The following ADGRL3 variants were observed in gnomAD, a reference collection of about 807,000 sequenced individuals.
ADGRL3 encodes the protein calcium-independent alpha-latrotoxin receptor 3.
Under a neutral mutation model 153.5 loss-of-function variants are expected in ADGRL3, and 62 were observed. The observed-to-expected ratio is 0.40, with a 90% CI of 0.33 to 0.50. ADGRL3 has a LOEUF of 0.50. Ranked by LOEUF, ADGRL3 falls within the 20% of genes least tolerant of loss-of-function variation. ADGRL3 has a pLI of 0.47. For synonymous variants in ADGRL3, 710 were observed against 672.5 expected, an observed-to-expected ratio of 1.06 and a Z score of -0.86; for missense variants, 1,641 against 1,859.4, an observed-to-expected ratio of 0.88 and a Z score of 2.16.
intron 1 of ADGRL3, among the ~76,000 whole-genome samples, chr4:61,267,491 C>T (rs116742024): frequency 7.7e-4 from 117 of 151,824 alleles, no homozygotes; most frequent in South Asian, 1.5e-3. Flanking sequence ...TTCATTTGCA[C>T]CTACAGTGTC....
chr4:61,989,337 A>G (rs2099096210), intron 19 of ADGRL3, among the ~76,000 whole-genome samples: 1 of 152,112 alleles, frequency 6.6e-6, no homozygotes, highest in Admixed American at 6.5e-5. Flanking sequence ...ATGTTCTTAT[A>G]ACACTTCATT....
intron 1 of ADGRL3, among the ~76,000 whole-genome samples, chr4:61,292,486 A>G (rs2094256580): frequency 2.0e-5 from 3 of 152,072 alleles, no homozygotes; most frequent in Admixed American, 1.3e-4. Flanking sequence ...CATGCATGTT[A>G]TTATCTTTTG....
intron 6 of ADGRL3, among the ~76,000 whole-genome samples, chr4:61,719,877 A>T (rs2096204284): frequency 6.6e-6 from 1 of 152,020 alleles, no homozygotes; most frequent in Non-Finnish European, 1.5e-5. Flanking sequence ...TGCTAAGATT[A>T]CAGGCCTGAG....
chr4:61,763,741 A>AT (rs1295779045), intron 8 of ADGRL3, among the ~76,000 whole-genome samples: 1 of 152,178 alleles, frequency 6.6e-6, no homozygotes, highest in Non-Finnish European at 1.5e-5. Context: ...ACACACATAA[A>AT]CACTATATAC....
At chr4:61,495,969 CAT>C (rs2098311261) in intron 2 of ADGRL3, among the ~76,000 whole-genome samples, 1 of 152,232 alleles carries the variant, frequency 6.6e-6, no homozygotes, top group South Asian at 2.1e-4. Context: ...ATAAATGAAA[CAT>C]AAATGAAAAT....
chr4:61,924,329 A>G lies in ADGRL3; in HGVS notation c.2113-10511A>G, dbSNP rs188022038. Among the ~76,000 whole-genome samples, 22 of 152,186 alleles carry G rather than the reference A, an allele frequency of 1.4e-4. No homozygotes were observed. The East Asian group carries it at 2.5e-3, about 17-fold the overall frequency. On this transcript the variant is annotated intron_variant, in intron 13 of 26. Transcript: ENST00000683033. Reference sequence around the variant, plus strand: ...AACCCTTAAGCTTGGAGTGCCCCCTAGCACAATAGTTAGTCCTCTTGTCCA... The same window carrying G: ...AACCCTTAAGCTTGGAGTGCCCCCTGGCACAATAGTTAGTCCTCTTGTCCA...
At chr4:61,301,967 C>A (rs1157508920) in intron 1 of ADGRL3, among the ~76,000 whole-genome samples, 1 of 152,202 alleles carries the variant, frequency 6.6e-6, no homozygotes, top group East Asian at 1.9e-4. Flanking sequence ...GAAATAACTT[C>A]CTAGAAATCA....
chr4:61,514,083 C>T, intron 3 of ADGRL3, among the ~76,000 whole-genome samples: 1 of 152,162 alleles, frequency 6.6e-6, no homozygotes, highest in Middle Eastern at 3.2e-3. Flanking sequence ...AAACTATCTT[C>T]AAATATCTGA....
intron 17 of ADGRL3, among the ~76,000 whole-genome samples, chr4:61,967,224 A>G (rs2099010197): frequency 6.6e-6 from 1 of 152,060 alleles, no homozygotes; most frequent in Non-Finnish European, 1.5e-5. Flanking sequence ...TGGATATTTA[A>G]ATTTTTAGGC....
At chr4:61,806,138 T>C (rs1386076218) in intron 8 of ADGRL3, among the ~76,000 whole-genome samples, 1 of 152,110 alleles carries the variant, frequency 6.6e-6, no homozygotes, top group Non-Finnish European at 1.5e-5. Context: ...GATGACAGAG[T>C]ACACATATGA....
At chr4:61,714,654 G>A (rs956993688) in intron 6 of ADGRL3, among the ~76,000 whole-genome samples, 38 of 152,164 alleles carry the variant, frequency 2.5e-4, no homozygotes, top group African/African-American at 9.2e-4. Context: ...CACTGGGGAG[G>A]AGGAGCTCAT....
At position 62,075,151 on chromosome 4, in the gene ADGRL3, A is replaced by G. The variant is rs956163634; in HGVS notation, c.*4243A>G. Reference sequence around the variant, plus strand: ...AACAATTAGTTTTTAGAAGTTGTCTATCAGTACTGTACCGAAGTGCTACTG... The same window carrying G: ...AACAATTAGTTTTTAGAAGTTGTCTGTCAGTACTGTACCGAAGTGCTACTG... On this transcript the variant is annotated 3_prime_UTR_variant, in exon 27 of 27. Transcript: ENST00000683033. 6.6e-6 allele frequency: 1 copy of G among 152,186 alleles called. No individual in the cohort carries two copies. The highest frequency in any genetic ancestry group is 1.5e-5 in the Non-Finnish European group (1 of 68,032). The allele number at this position is 152,186 out of a possible 1,614,324, so 9.4% of individuals were successfully genotyped here.
rs527333296 is a variant in ADGRL3, at chr4:62,071,631, G to A, written c.*723G>A. 247 of 367,292 alleles carry A rather than the reference G, an allele frequency of 6.7e-4. No homozygotes were observed. Among genetic ancestry groups the A allele is most frequent in the African/African-American group, 5.0e-3 (231 of 45,866 alleles). 22.8% of individuals were successfully genotyped at this position (367,292 alleles called of 1,614,324 possible). A position where few individuals can be genotyped will look rare whatever the true frequency, so the allele number is the denominator to read the frequency against. On this transcript the variant is annotated 3_prime_UTR_variant, in exon 27 of 27. Coordinates refer to ENST00000683033, the MANE Select transcript of ADGRL3 (RefSeq NM_001387552.1). ...CCTCCAGAATTTGAGTCCTGTTAAT[G>A]TAGTAGAAAAAAAAAAAAGAAATTT...
chr4:61,827,364 G>T (rs1275037502), intron 9 of ADGRL3, among the ~76,000 whole-genome samples: 1 of 152,164 alleles, frequency 6.6e-6, no homozygotes, highest in Non-Finnish European at 1.5e-5. Context: ...ACTCAGTAGG[G>T]CTTCAGTGTG....
intron 1 of ADGRL3, among the ~76,000 whole-genome samples, chr4:61,314,880 T>C (rs375942812): frequency 2.6e-5 from 4 of 152,306 alleles, no homozygotes; most frequent in African/African-American, 7.2e-5. Flanking sequence ...GTTAAGAAAT[T>C]ATGTTTATTA....
At chr4:61,206,856 C>A (rs1737458460) in intron 1 of ADGRL3, among the ~76,000 whole-genome samples, 1 of 151,916 alleles carries the variant, frequency 6.6e-6, no homozygotes, top group Admixed American at 6.6e-5. Flanking sequence ...GTGGTACATG[C>A]CTGTAGTCCC....
intron 1 of ADGRL3, among the ~76,000 whole-genome samples, chr4:61,291,246 G>A: frequency 6.9e-6 from 1 of 144,434 alleles, no homozygotes; most frequent in East Asian, 2.0e-4. Context: ...CTGTGTCCAT[G>A]GATTCCACAT....
intron 8 of ADGRL3, among the ~76,000 whole-genome samples, chr4:61,804,187 C>G (rs137890086): frequency 9.2e-5 from 14 of 152,236 alleles, no homozygotes; most frequent in Middle Eastern, 3.4e-3. Context: ...ATGTGCCAAT[C>G]TGTTCTCTTT....
intron 2 of ADGRL3, among the ~76,000 whole-genome samples, chr4:61,448,958 A>G (rs2097638986): frequency 6.6e-6 from 1 of 151,872 alleles, no homozygotes; most frequent in South Asian, 2.1e-4. Flanking sequence ...TTTTTTTGAG[A>G]AAACCATGTT....
Sources: allele counts gnomAD v4.1 joint callset (sites outside exome capture counted in the v4.1 genomes callset), GRCh38; gene constraint gnomAD v4.1.1; transcripts MANE v1.5; gene names NCBI Gene and HGNC (gene_info 2026-07-23, HGNC 2026-07-21).